Variants in VPS13B observed in about 807,000 individuals in gnomAD.
VPS13B encodes the protein vacuolar protein sorting 13 homolog B.
Under a neutral mutation model 426.4 loss-of-function variants are expected in VPS13B, and 285 were observed. The observed-to-expected ratio is 0.67, with a 90% CI of 0.61 to 0.74. VPS13B has a LOEUF of 0.74. Among genes scored for constraint, VPS13B ranks in the 30% least tolerant of loss-of-function variants. VPS13B has a pLI of 0.00. For missense variants in VPS13B, 4,537 were observed against 4,782.6 expected (o/e 0.95, Z 1.51); for synonymous variants, 1,676 against 1,676.4 (o/e 1.00, Z 0.01).
At chr8:99,709,327 A>G (rs758200828) in intron 36 of VPS13B, among the ~76,000 whole-genome samples, 22 of 152,180 alleles carry the variant, frequency 1.4e-4, no homozygotes, top group East Asian at 1.3e-3. Context: ...AGACACTAGG[A>G]GCCTTACTAA....
intron 17 of VPS13B, among the ~76,000 whole-genome samples, chr8:99,273,730 TTG>T (rs1460696886): frequency 4.7e-5 from 6 of 127,850 alleles, no homozygotes; most frequent in Non-Finnish European, 1.0e-4. Context: ...CTTGCAGAGC[TTG>T]CAGTGAGCTG....
chr8:99,351,429 A>AGT (rs751746920), intron 19 of VPS13B, among the ~76,000 whole-genome samples: 6,466 of 145,178 alleles, frequency 0.045, 136 homozygotes, highest in African/African-American at 0.064. Context: ...AGAGAGAGAG[A>AGT]GAGAGAGTGT....
chr8:99,229,548 T>A (rs925115428), intron 17 of VPS13B, among the ~76,000 whole-genome samples: 8 of 152,108 alleles, frequency 5.3e-5, no homozygotes, highest in African/African-American at 1.9e-4. Flanking sequence ...TAGGGCTGGG[T>A]ATGGGTGATA....
At chr8:99,156,501 G>A (rs1189887380) in intron 14 of VPS13B, 48 bp from the exon 15 acceptor site, 2 of 1,597,196 alleles carry the variant, frequency 1.3e-6, no homozygotes, top group African/African-American at 2.7e-5. Context: ...CTGCAACTCA[G>A]TCACTGCTCC....
intron 30 of VPS13B, among the ~76,000 whole-genome samples, chr8:99,540,052 TA>T (rs1823515095): frequency 7.1e-4 from 4 of 5,654 alleles, no homozygotes; most frequent in Non-Finnish European, 9.5e-4. Context: ...TATATATATA[TA>T]TATATATATA....
chr8:99,432,027 A>T (rs1817141378), intron 22 of VPS13B, among the ~76,000 whole-genome samples: 1 of 152,078 alleles, frequency 6.6e-6, no homozygotes, highest in Admixed American at 6.6e-5. Flanking sequence ...TTAAATTAAC[A>T]TGAAAGGGTT....
chr8:99,745,224 C>A (rs1434675973), intron 39 of VPS13B, among the ~76,000 whole-genome samples: 1 of 152,034 alleles, frequency 6.6e-6, no homozygotes, highest in African/African-American at 2.4e-5. Context: ...TGAAGAACTT[C>A]AAGTAATTTT....
intron 17 of VPS13B, chr8:99,233,242 T>G: frequency 8.2e-7 from 1 of 1,222,766 alleles, no homozygotes; most frequent in Non-Finnish European, 1.2e-6. Context: ...AGTTAAGTTA[T>G]GCAGTTCATT....
chr8:99,335,509 G>T (rs1450474448), intron 19 of VPS13B, among the ~76,000 whole-genome samples: 2 of 151,664 alleles, frequency 1.3e-5, no homozygotes, highest in Non-Finnish European at 2.9e-5. Context: ...TATAAATTTG[G>T]CCAGGGCAAT....
intron 7 of VPS13B, among the ~76,000 whole-genome samples, chr8:99,118,969 G>A (rs1485777116): frequency 6.6e-6 from 1 of 152,102 alleles, no homozygotes; most frequent in African/African-American, 2.4e-5. Flanking sequence ...TTTCAATGTG[G>A]TTGTACCATT....
intron 17 of VPS13B, among the ~76,000 whole-genome samples, chr8:99,223,356 AATT>A (rs1387035955): frequency 2.0e-4 from 31 of 152,150 alleles, no homozygotes; most frequent in African/African-American, 7.0e-4. Flanking sequence ...TATTGTTAAT[AATT>A]ATTGAGTGGT....
intron 19 of VPS13B, among the ~76,000 whole-genome samples, chr8:99,336,806 CAAT>C (rs1162958806): frequency 6.6e-6 from 1 of 152,178 alleles, no homozygotes; most frequent in Non-Finnish European, 1.5e-5. Flanking sequence ...ATCAAAACCA[CAAT>C]GAGATACCAT....
chr8:99,817,475 G>A (rs1563488631), intron 44 of VPS13B, 65 bp from the exon 45 acceptor site: 1 of 1,580,212 alleles, frequency 6.3e-7, no homozygotes, highest in Non-Finnish European at 8.7e-7. Flanking sequence ...CTGTTTGAAT[G>A]ATAACATATT....
rs192541791 is a variant in VPS13B at position 99,534,285 on chromosome 8, T to G, written c.4745+13275T>G. Among the ~76,000 whole-genome samples, 6 of 152,304 alleles carry G rather than the reference T, an allele frequency of 3.9e-5. No individual in the cohort carries two copies. The East Asian group carries it at 1.2e-3, about 29-fold the overall frequency. On this transcript the variant is annotated intron_variant, in intron 30 of 61. Coordinates refer to ENST00000357162, the MANE Select transcript of VPS13B (RefSeq NM_152564.5). ...TTCCATGAATATGGTTTCTATTTAC[T>G]GCCAAAAGCTACCTCAACAACAGTG...
intron 2 of VPS13B, among the ~76,000 whole-genome samples, chr8:99,036,434 T>C (rs1436306608): frequency 6.6e-6 from 1 of 152,146 alleles, no homozygotes; most frequent in Non-Finnish European, 1.5e-5. Context: ...GAAAATTCCT[T>C]TTTTGGTTAT....
intron 32 of VPS13B, among the ~76,000 whole-genome samples, 177 bp from the exon 33 acceptor site, chr8:99,577,313 C>A (rs1825824300): frequency 6.6e-6 from 1 of 152,096 alleles, no homozygotes; most frequent in Non-Finnish European, 1.5e-5. Flanking sequence ...ATATGAAATT[C>A]ATCTGTTAAA....
At chr8:99,197,196 A>T (rs1813991900) in intron 17 of VPS13B, among the ~76,000 whole-genome samples, 1 of 152,170 alleles carries the variant, frequency 6.6e-6, no homozygotes, top group African/African-American at 2.4e-5. Context: ...GCAAAAGATT[A>T]TTTTAATGTG....
chr8:99,038,681 T>A, intron 3 of VPS13B, 115 bp downstream of exon 3: 38 of 52,512 alleles, frequency 7.2e-4, no homozygotes, highest in Middle Eastern at 0.013. Flanking sequence ...CTTATATACT[T>A]TTTTTTTTTT....
At chr8:99,280,592 C>A (rs1167278257) in intron 19 of VPS13B, among the ~76,000 whole-genome samples, 1 of 152,132 alleles carries the variant, frequency 6.6e-6, no homozygotes, top group Admixed American at 6.5e-5. Context: ...GATAAATAAT[C>A]AGTTCTTGAT....
Sources: gnomAD v4.1 joint callset for allele counts (sites outside exome capture counted in the v4.1 genomes callset) on GRCh38, gnomAD v4.1.1 for gene constraint, MANE v1.5 for transcripts, NCBI Gene and HGNC (gene_info 2026-07-23, HGNC 2026-07-21) for gene names.